Variants in SIM1 observed in about 807,000 individuals in gnomAD.
SIM1 encodes the protein SIM bHLH transcription factor 1.
In SIM1, 18 loss-of-function variants were observed where a neutral mutation model predicts 78.2. The ratio of observed to expected loss-of-function variants is 0.23; its 90% CI spans 0.16 to 0.34. The LOEUF is 0.34. Ranked by LOEUF, SIM1 falls within the 10% of genes least tolerant of loss-of-function variation. The pLI is 1.00. For synonymous variants in SIM1, 417 were observed against 385.2 expected, an observed-to-expected ratio of 1.08 and a Z score of -0.97; for missense variants, 939 against 975.1, an observed-to-expected ratio of 0.96 and a Z score of 0.49.
Position 100,388,921 on chromosome 6 carries a change from T to G in SIM1, c.*1440A>C, listed in dbSNP as rs183942428. On this transcript the variant is annotated 3_prime_UTR_variant, in exon 12 of 12. Transcript: ENST00000369208. ...GCCTAAAGGAGCCCACACACCTGCTTAAGTCACAAAGCATCTAAACTTCTG... is the reference window on the plus strand; with the variant it reads ...GCCTAAAGGAGCCCACACACCTGCTGAAGTCACAAAGCATCTAAACTTCTG... 6.6e-6 allele frequency: 1 copy of G among 152,322 alleles called. No homozygotes were observed. Among genetic ancestry groups the G allele is most frequent in the East Asian group, 1.9e-4 (1 of 5,190 alleles). 9.4% of individuals were successfully genotyped at this position (152,322 alleles called of 1,614,324 possible). A position where few individuals can be genotyped will look rare whatever the true frequency, so the allele number is the denominator to read the frequency against.
At chr6:100,445,173 C>G (rs1480692399) in intron 9 of SIM1, among the ~76,000 whole-genome samples, 5 of 152,152 alleles carry the variant, frequency 3.3e-5, no homozygotes, top group Non-Finnish European at 7.4e-5. Context: ...AAACTGCAAC[C>G]TGTTCATTAT....
chr6:100,433,876 C>T (rs1771972122), intron 9 of SIM1, among the ~76,000 whole-genome samples: 2 of 152,126 alleles, frequency 1.3e-5, no homozygotes, highest in Admixed American at 6.5e-5. Flanking sequence ...GCCTGGCACA[C>T]AGTAGGCACT....
chr6:100,448,189 C>T lies in SIM1; in HGVS notation c.807G>A (p.Val269=), dbSNP rs777131380. The part of the protein sequence containing the change: ...DLIEKTLYHH[V]HGCDTFHLRC... ...GCAGGTGGAAGGTGTCGCAGCCGTG[C>T]ACATGGTGGTACAGAGTCTTCTCAA... is the stretch of plus-strand genomic sequence containing the variant. Residue 269 remains valine (V), a synonymous_variant, in exon 8 of 12, where the codon GTG becomes GTA. Transcript: ENST00000369208. 12 of 1,613,940 alleles carry T rather than the reference C, an allele frequency of 7.4e-6. No individual in the cohort carries two copies. The highest frequency in any genetic ancestry group is 3.3e-5 in the South Asian group (3 of 91,054).
At chr6:100,404,801 A>G (rs1771015203) in intron 10 of SIM1, among the ~76,000 whole-genome samples, 1 of 152,230 alleles carries the variant, frequency 6.6e-6, no homozygotes, top group Non-Finnish European at 1.5e-5. Flanking sequence ...AACTAATGTC[A>G]GAATCAAATG....
chr6:100,393,544 T>C lies in SIM1; in HGVS notation c.1513A>G (p.Ser505Gly). ...ATGCTGTTTTCATAGGCTTCTCTGCTTTCTGGGGAGGCCTTTGTCAGGGGC... is the reference window on the plus strand; with the variant it reads ...ATGCTGTTTTCATAGGCTTCTCTGCCTTCTGGGGAGGCCTTTGTCAGGGGC... Reference protein sequence around the residue: ...ALPLTKASPESREAYENSMPH... With the variant: ...ALPLTKASPEGREAYENSMPH... The change falls in exon 11 of 12, where the codon AGC becomes GGC. Residue 505 changes from serine to glycine, a missense_variant. Around this residue, in one of 5 missense-constraint regions of SIM1, gnomAD observed 556 missense variants for 521.9 expected, o/e 1.07. Transcript: ENST00000369208. 1 of 1,602,322 alleles carries C rather than the reference T, an allele frequency of 6.2e-7. No individual in the cohort carries two copies. The highest frequency in any genetic ancestry group is 1.1e-5 in the South Asian group (1 of 90,436).
In SIM1 at chr6:100,448,333, A is replaced by T. The variant is rs1362268804; in HGVS notation, c.744-81T>A. The T allele has an allele frequency of 3.7e-6, 5 of 1,363,306 alleles. No individual in the cohort carries two copies. The East Asian group carries it at 1.2e-4, about 34-fold the overall frequency. 84.5% of individuals were successfully genotyped at this position (1,363,306 alleles called of 1,614,324 possible). ...CCCACACACCCTCGACAGCCGTCTG[A>T]CACCTAGCTGTCCGCCCTCACTTTC... On this transcript the variant is annotated intron_variant, in intron 7 of 11. Coordinates refer to ENST00000369208, the MANE Select transcript of SIM1 (RefSeq NM_005068.3).
chr6:100,387,698 G>T lies in SIM1; in HGVS notation c.*2663C>A, dbSNP rs1025096746. The T allele has an allele frequency of 6.6e-6, 1 of 151,966 alleles. No homozygotes were observed. Among genetic ancestry groups the T allele is most frequent in the Non-Finnish European group, 1.5e-5 (1 of 67,926 alleles). 9.4% of individuals were successfully genotyped at this position (151,966 alleles called of 1,614,324 possible). A position where few individuals can be genotyped will look rare whatever the true frequency, so the allele number is the denominator to read the frequency against. Reference sequence around the variant, plus strand: ...ATCAATATATAATTTAGTTAATTCTGTATTCTCTTAAAAATATTGGTCATG... The same window carrying T: ...ATCAATATATAATTTAGTTAATTCTTTATTCTCTTAAAAATATTGGTCATG... On this transcript the variant is annotated 3_prime_UTR_variant, in exon 12 of 12. Transcript: ENST00000369208.
Position 100,412,658 on chromosome 6 carries a change from AG to A in SIM1, c.1167+8131del, listed in dbSNP as rs761328523. Among the ~76,000 whole-genome samples the A allele has an allele frequency of 4.7e-3, 484 of 102,680 alleles. 44 individuals are homozygous for A. The highest frequency in any genetic ancestry group is 0.021 in the Middle Eastern group (4 of 190). The allele number at this position is 102,680 out of a possible 152,430, so 67.4% of individuals were successfully genotyped here. A position where few individuals can be genotyped will look rare whatever the true frequency, so the allele number is the denominator to read the frequency against. ...AAAGAAAAGAAAGAAAGAAAGAAAGAGAGAGAGAGAGAGAGAAAGAAAGAAA... is the reference window on the plus strand; with the variant it reads ...AAAGAAAAGAAAGAAAGAAAGAAAGAAGAGAGAGAGAGAGAAAGAAAGAAA... On this transcript the variant is annotated intron_variant, in intron 10 of 11. Transcript: ENST00000369208.
intron 2 of SIM1, among the ~76,000 whole-genome samples, chr6:100,460,275 A>G (rs1041422066): frequency 2.6e-5 from 4 of 152,224 alleles, no homozygotes; most frequent in Admixed American, 2.0e-4. Context: ...GCAAATGAGA[A>G]GGGAAGGAAA....
At chr6:100,412,622 AGG>A (rs1562239730) in intron 10 of SIM1, among the ~76,000 whole-genome samples, 10 of 108,032 alleles carry the variant, frequency 9.3e-5, no homozygotes, top group African/African-American at 3.1e-4. Flanking sequence ...GAAAGAAAGA[AGG>A]AAAGAAAGAA....
intron 2 of SIM1, among the ~76,000 whole-genome samples, chr6:100,459,219 G>T (rs914025320): frequency 1.3e-5 from 2 of 152,242 alleles, no homozygotes; most frequent in African/African-American, 4.8e-5. Context: ...ACCTGTTTTT[G>T]TTGTTGTTTG....
chr6:100,436,377 C>T (rs1772050769), intron 9 of SIM1, among the ~76,000 whole-genome samples: 1 of 152,190 alleles, frequency 6.6e-6, no homozygotes. Context: ...GGCCACTAGT[C>T]CTAACCAATT....
At chr6:100,431,582 A>G (rs999527918) in intron 9 of SIM1, among the ~76,000 whole-genome samples, 2 of 152,226 alleles carry the variant, frequency 1.3e-5, no homozygotes, top group Non-Finnish European at 2.9e-5. Context: ...ATAAGTTCTG[A>G]GTATTTGCTA....
chr6:100,448,050 C>G (rs1171183959), intron 8 of SIM1, 96 bp downstream of exon 8: 1 of 1,001,074 alleles, frequency 1.0e-6, no homozygotes, highest in Non-Finnish European at 1.5e-6. Flanking sequence ...GGGCTCCCAC[C>G]TGTCCTCTTG....
intron 9 of SIM1, among the ~76,000 whole-genome samples, chr6:100,425,460 C>T (rs1204397302): frequency 6.6e-6 from 1 of 152,098 alleles, no homozygotes; most frequent in Non-Finnish European, 1.5e-5. Context: ...AGGAATTTGG[C>T]CTTCCTGCTT....
rs1040397095 is a variant in SIM1, at chr6:100,463,666, T to C, written c.-198A>G. The stretch of plus-strand genomic sequence containing the variant: ...GGGGGTGAACGGAAAATATGTTCTT[T>C]GAAAATTCGGGATGCAGTATAGGAA... On this transcript the variant is annotated 5_prime_UTR_variant, in exon 2 of 12. Transcript: ENST00000369208. The C allele has an allele frequency of 1.9e-6, 1 of 519,914 alleles. No individual in the cohort carries two copies. Among genetic ancestry groups the C allele is most frequent in the African/African-American group, 1.9e-5 (1 of 52,716 alleles). 32.2% of individuals were successfully genotyped at this position (519,914 alleles called of 1,614,324 possible). A position where few individuals can be genotyped will look rare whatever the true frequency, so the allele number is the denominator to read the frequency against.
chr6:100,422,698 C>G (rs763565036), intron 9 of SIM1, among the ~76,000 whole-genome samples: 1 of 152,138 alleles, frequency 6.6e-6, no homozygotes, highest in African/African-American at 2.4e-5. Context: ...CACACACACA[C>G]ACACACGCAC....
chr6:100,399,595 T>A (rs1263230118), intron 10 of SIM1, among the ~76,000 whole-genome samples: 1 of 152,126 alleles, frequency 6.6e-6, no homozygotes, highest in Non-Finnish European at 1.5e-5. Flanking sequence ...GGAAACCAGA[T>A]AATGAGTAAA....
chr6:100,393,324 C>T (rs567937678), intron 11 of SIM1, among the ~76,000 whole-genome samples, 163 bp downstream of exon 11: 2 of 152,258 alleles, frequency 1.3e-5, no homozygotes, highest in South Asian at 4.2e-4. Flanking sequence ...TTAGCAAATA[C>T]AAGCAAAATT....
Sources: allele counts gnomAD v4.1 joint callset (sites outside exome capture counted in the v4.1 genomes callset), GRCh38; gene constraint gnomAD v4.1.1; regional missense constraint gnomAD v4.1.1; transcripts MANE v1.5; gene names NCBI Gene and HGNC (gene_info 2026-07-23, HGNC 2026-07-21).